Variants in IL2RA observed in about 807,000 individuals in gnomAD.
The protein encoded by IL2RA is interleukin 2 receptor subunit alpha, also known as interleukin-2 receptor subunit alpha.
IL2RA carries 24 observed loss-of-function variants against 37.8 expected under a neutral mutation model. That is an observed-to-expected ratio of 0.63 (90% CI 0.46 to 0.89). The LOEUF (loss-of-function observed/expected upper bound fraction) is 0.89, where lower values mean the gene tolerates loss of function less well. Ranked by LOEUF, IL2RA falls within the 40% of genes least tolerant of loss-of-function variation. The probability of loss-of-function intolerance (pLI) is 0.00; values close to 1 mark genes in which losing one functional copy is unlikely to be tolerated. For synonymous variants in IL2RA, 125 were observed against 114.6 expected (o/e 1.09, Z -0.58); for missense variants, 319 against 348.6 (o/e 0.92, Z 0.68).
At chr10:6,023,037 T>A (rs41294691) in intron 3 of IL2RA, among the ~76,000 whole-genome samples, 194 of 152,338 alleles carry the variant, frequency 1.3e-3, no homozygotes, top group Non-Finnish European at 1.3e-3. Context: ...TCTTTTAAAA[T>A]AAGTAATCAG....
chr10:6,026,900 G>T (rs1237975101), intron 1 of IL2RA, among the ~76,000 whole-genome samples: 1 of 152,140 alleles, frequency 6.6e-6, no homozygotes, highest in Non-Finnish European at 1.5e-5. Context: ...CTGTGGGTTG[G>T]CCGGTTGTGT....
chr10:6,037,130 C>T (rs1839700345), intron 1 of IL2RA, among the ~76,000 whole-genome samples: 1 of 152,160 alleles, frequency 6.6e-6, no homozygotes, highest in South Asian at 2.1e-4. Context: ...AATCTGCATC[C>T]ACAGCGGTTT....
intron 1 of IL2RA, among the ~76,000 whole-genome samples, chr10:6,060,395 C>G (rs921587445): frequency 1.3e-5 from 2 of 152,168 alleles, no homozygotes; most frequent in Non-Finnish European, 2.9e-5. Context: ...GCACCAAAAT[C>G]TTACAAATCA....
rs1839251834 is a variant in IL2RA, at chr10:6,014,966, T to C, written c.795-2070A>G. ...GATCTGTATTTTCTCAGGGTCTTAC[T>C]GTGGAGTTTGTATCAGGGTTGGCCA... On this transcript the variant is annotated intron_variant, in intron 7 of 7. Transcript: ENST00000379959. This position sits in a 1 kb window ranked among gnomAD's most constrained non-coding sequence, Gnocchi z 4.4. Among the ~76,000 whole-genome samples, 1 of 152,150 alleles carries C rather than the reference T, an allele frequency of 6.6e-6. No individual in the cohort carries two copies. Among genetic ancestry groups the C allele is most frequent in the Non-Finnish European group, 1.5e-5 (1 of 68,026 alleles).
At chr10:6,060,773 AT>A (rs1302421296) in intron 1 of IL2RA, among the ~76,000 whole-genome samples, 1 of 151,936 alleles carries the variant, frequency 6.6e-6, no homozygotes, top group Non-Finnish European at 1.5e-5. Flanking sequence ...TAAAAAAAAA[AT>A]AAATAAAAAT....
chr10:6,060,532 G>A (rs574155618), intron 1 of IL2RA, among the ~76,000 whole-genome samples: 1 of 152,280 alleles, frequency 6.6e-6, no homozygotes, highest in East Asian at 1.9e-4. Context: ...CATGGCTGGT[G>A]GACCACAAGG....
chr10:6,050,658 TG>T (rs1839937881), intron 1 of IL2RA, among the ~76,000 whole-genome samples: 1 of 151,878 alleles, frequency 6.6e-6, no homozygotes, highest in Non-Finnish European at 1.5e-5. Context: ...AAAAGGTGGT[TG>T]GGGTGGGGGA....
At chr10:6,026,411 T>A (rs1164461066) in intron 1 of IL2RA, among the ~76,000 whole-genome samples, 1 of 152,248 alleles carries the variant, frequency 6.6e-6, no homozygotes, top group Non-Finnish European at 1.5e-5. Flanking sequence ...TGCAAGATAC[T>A]TTTAAGGATA....
At chr10:6,023,858 G>A (rs76887529) in intron 3 of IL2RA, among the ~76,000 whole-genome samples, 18 of 152,216 alleles carry the variant, frequency 1.2e-4, no homozygotes, top group Non-Finnish European at 2.6e-4. Flanking sequence ...TGTGCTTAAG[G>A]GGAAGACGCA....
At chr10:6,019,552 C>T in intron 5 of IL2RA, 53 bp from the exon 6 acceptor site, 2 of 1,354,712 alleles carry the variant, frequency 1.5e-6, no homozygotes, top group South Asian at 2.3e-5. Context: ...TTTAGGACAG[C>T]ACGAGGCTAA....
chr10:6,028,241 C>T lies in IL2RA; in HGVS notation c.65-2216G>A, dbSNP rs544719901. Among the ~76,000 whole-genome samples the T allele has an allele frequency of 4.6e-5, 7 of 152,186 alleles. No individual in the cohort carries two copies. Among genetic ancestry groups the T allele is most frequent in the South Asian group, 4.1e-4 (2 of 4,822 alleles). ...TCTGGAGAGGACACTGCATGAAGGT[C>T]GCCCCAAAATTATGTATAGGGGTCC... On this transcript the variant is annotated intron_variant, in intron 1 of 7. Transcript: ENST00000379959. This position sits in a 1 kb window ranked among gnomAD's most constrained non-coding sequence, Gnocchi z 4.1.
At chr10:6,023,008 G>T (rs1564542985) in intron 3 of IL2RA, among the ~76,000 whole-genome samples, 1 of 152,202 alleles carries the variant, frequency 6.6e-6, no homozygotes, top group Non-Finnish European at 1.5e-5. Flanking sequence ...AATAATGGAA[G>T]CTGTAAGTAA....
At chr10:6,024,755 C>G (rs1022559880) in intron 2 of IL2RA, among the ~76,000 whole-genome samples, 2 of 152,222 alleles carry the variant, frequency 1.3e-5, no homozygotes, top group African/African-American at 4.8e-5. Context: ...AGTGGTCTCA[C>G]TCCACAACAC....
intron 1 of IL2RA, among the ~76,000 whole-genome samples, chr10:6,049,054 T>A (rs7090504): frequency 0.17 from 25,136 of 152,232 alleles, 2,478 homozygotes; most frequent in East Asian, 0.27. Flanking sequence ...TAAGAGAATA[T>A]TTATAATGGG....
At chr10:6,017,572 A>ATTGTTTTTTT (rs1839300531) in intron 7 of IL2RA, among the ~76,000 whole-genome samples, 1 of 104,860 alleles carries the variant, frequency 9.5e-6, no homozygotes, top group Non-Finnish European at 1.8e-5. Flanking sequence ...TGGTCGTTTA[A>ATTGTTTTTTT]TTTTTTTTTT....
In IL2RA at chr10:6,029,659, G is replaced by A. The variant is rs1564545277; in HGVS notation, c.65-3634C>T. Among the ~76,000 whole-genome samples the A allele has an allele frequency of 6.6e-6, 1 of 152,036 alleles. No homozygotes were observed. The highest frequency in any genetic ancestry group is 1.5e-5 in the Non-Finnish European group (1 of 68,010). ...CAACTGCTAATTTAAAGAAAAAATG[G>A]TTATAATGAGTGAAACAACAGGATA... On this transcript the variant is annotated intron_variant, in intron 1 of 7. Transcript: ENST00000379959. This position sits in a 1 kb window ranked among gnomAD's most constrained non-coding sequence, Gnocchi z 4.6.
At position 6,018,384 on chromosome 10, in the gene IL2RA, G is replaced by C. The variant is rs972526188; in HGVS notation, c.728-265C>G. Among the ~76,000 whole-genome samples, 1 of 152,162 alleles carries C rather than the reference G, an allele frequency of 6.6e-6. No individual in the cohort carries two copies. The highest frequency in any genetic ancestry group is 2.1e-4 in the South Asian group (1 of 4,818). On this transcript the variant is annotated intron_variant, in intron 6 of 7. Coordinates refer to ENST00000379959, the MANE Select transcript of IL2RA (RefSeq NM_000417.3). The surrounding 1 kb of genome is among the most constrained non-coding windows in gnomAD (Gnocchi z 5.1). Reference sequence around the variant, plus strand: ...CACAAAAGCCCCTCAGAAAGGCTCAGAGGCCAGGCCTCGTTTAAGGACACC... The same window carrying C: ...CACAAAAGCCCCTCAGAAAGGCTCACAGGCCAGGCCTCGTTTAAGGACACC...
In IL2RA at chr10:6,018,131, G is replaced by A. The variant is rs776627600; in HGVS notation, c.728-12C>T. ...AACACAGCCGGCCACTGTCAATAGA[G>A]AGAGGGAGTTCAGCAAAGGGCCCTG... On this transcript the variant is annotated splice_polypyrimidine_tract_variant and intron_variant, in intron 6 of 7. Coordinates refer to ENST00000379959, the MANE Select transcript of IL2RA (RefSeq NM_000417.3). The surrounding 1 kb of genome is among the most constrained non-coding windows in gnomAD (Gnocchi z 5.1). 1.7e-5 allele frequency: 28 copies of A among 1,612,984 alleles called. No individual in the cohort carries two copies. The highest frequency in any genetic ancestry group is 2.3e-5 in the Non-Finnish European group (27 of 1,179,188).
chr10:6,034,949 C>T (rs980018624), intron 1 of IL2RA, among the ~76,000 whole-genome samples: 1 of 152,198 alleles, frequency 6.6e-6, no homozygotes, highest in Non-Finnish European at 1.5e-5. Context: ...TGGATGTAGA[C>T]ATCACCTTCT....
Sources: gnomAD v4.1 joint callset for allele counts (sites outside exome capture counted in the v4.1 genomes callset) on GRCh38, gnomAD v4.1.1 for gene constraint, Gnocchi (gnomAD v3.1) non-coding constraint, MANE v1.5 for transcripts, NCBI Gene and HGNC (gene_info 2026-07-23, HGNC 2026-07-21) for gene names.